ATF7IP: variants seen among roughly 807,000 people sequenced by gnomAD.
The protein encoded by ATF7IP is activating transcription factor 7 interacting protein, also known as activating transcription factor 7-interacting protein 1.
In ATF7IP, 23 loss-of-function variants were observed where a neutral mutation model predicts 106.4. That is an observed-to-expected ratio of 0.22 (90% CI 0.16 to 0.31). ATF7IP has a LOEUF of 0.31. Ranked by LOEUF, ATF7IP falls within the 10% of genes least tolerant of loss-of-function variation. The probability of loss-of-function intolerance (pLI) is 1.00; values close to 1 mark genes in which losing one functional copy is unlikely to be tolerated. For missense variants in ATF7IP, 1,334 were observed against 1,524.3 expected (o/e 0.88, Z 2.08); for synonymous variants, 542 against 539.0 (o/e 1.01, Z -0.08).
chr12:14,469,489 TC>T (rs1317152807), intron 10 of ATF7IP, among the ~76,000 whole-genome samples: 2 of 151,860 alleles, frequency 1.3e-5, no homozygotes, highest in East Asian at 3.8e-4. Flanking sequence ...TTATCTGATA[TC>T]CCCAAATAAG....
chr12:14,479,580 A>T (rs1944368526), intron 12 of ATF7IP, among the ~76,000 whole-genome samples: 2 of 152,172 alleles, frequency 1.3e-5, no homozygotes, highest in Non-Finnish European at 2.9e-5. Flanking sequence ...TGTTTTCCAT[A>T]GTGATTTAGC....
chr12:14,454,644 C>G (rs1052599448), intron 6 of ATF7IP, among the ~76,000 whole-genome samples: 1 of 152,040 alleles, frequency 6.6e-6, no homozygotes, highest in Non-Finnish European at 1.5e-5. Context: ...ATGGCATACC[C>G]TCTCAACTAA....
chr12:14,497,953 C>T lies in ATF7IP; in HGVS notation c.3693C>T (p.Thr1231=), dbSNP rs767133309. The change falls in exon 15 of 15, where the codon ACC becomes ACT. Residue 1231 remains threonine, a synonymous_variant. Coordinates refer to ENST00000261168, the MANE Select transcript of ATF7IP (RefSeq NM_018179.5). ...ALPLPMACTL[T]QFVSGSKYYF... Reference sequence around the variant, plus strand: ...CCTTGCCCATGGCATGTACTCTCACCCAGTTTGTATCTGGTAGCAAATACT... The same window carrying T: ...CCTTGCCCATGGCATGTACTCTCACTCAGTTTGTATCTGGTAGCAAATACT... 1.9e-5 allele frequency: 31 copies of T among 1,614,038 alleles called. No homozygotes were observed. In the African/African-American group the frequency reaches 3.3e-4, roughly 17 times the overall value.
intron 1 of ATF7IP, among the ~76,000 whole-genome samples, chr12:14,371,697 T>C (rs774250580): frequency 3.9e-5 from 6 of 152,286 alleles, no homozygotes; most frequent in South Asian, 4.1e-4. Flanking sequence ...TCAGTAGTTA[T>C]AGAATGTTCA....
chr12:14,389,625 T>G (rs1004799387), intron 1 of ATF7IP, among the ~76,000 whole-genome samples: 5 of 152,240 alleles, frequency 3.3e-5, no homozygotes, highest in Non-Finnish European at 5.9e-5. Context: ...AATTGTTTGT[T>G]TTTTGTTTTT....
rs992915206 is a variant in ATF7IP, at chr12:14,502,552, T to C, written c.*4479T>C. The stretch of plus-strand genomic sequence containing the variant: ...GTTTTTGTCTGTTTTTGTTTTGTTT[T>C]GTTTTGTAAATAAGGTAACTGGGCA... On this transcript the variant is annotated 3_prime_UTR_variant, in exon 15 of 15. Coordinates refer to ENST00000261168, the MANE Select transcript of ATF7IP (RefSeq NM_018179.5). 1.3e-5 allele frequency: 2 copies of C among 152,326 alleles called. No individual in the cohort carries two copies. Among genetic ancestry groups the C allele is most frequent in the East Asian group, 3.9e-4 (2 of 5,190 alleles). 9.4% of individuals were successfully genotyped at this position (152,326 alleles called of 1,614,324 possible). A position where few individuals can be genotyped will look rare whatever the true frequency, so the allele number is the denominator to read the frequency against.
Position 14,502,158 on chromosome 12 carries a change from A to C in ATF7IP, c.*4085A>C, listed in dbSNP as rs960599360. On this transcript the variant is annotated 3_prime_UTR_variant, in exon 15 of 15. Transcript: ENST00000261168. ...GGCCTGTTTTATTCTAATTTCCAGA[A>C]AAGTCAAGTCCCAGTATTTGCAATA... is the stretch of plus-strand genomic sequence containing the variant. 2 of 152,194 alleles carry C rather than the reference A, an allele frequency of 1.3e-5. No homozygotes were observed. The highest frequency in any genetic ancestry group is 2.9e-5 in the Non-Finnish European group (2 of 68,020). The allele number at this position is 152,194 out of a possible 1,614,324, so 9.4% of individuals were successfully genotyped here.
In ATF7IP at chr12:14,500,791, A is replaced by G. The variant is rs1945140398; in HGVS notation, c.*2718A>G. On this transcript the variant is annotated 3_prime_UTR_variant, in exon 15 of 15. Coordinates refer to ENST00000261168, the MANE Select transcript of ATF7IP (RefSeq NM_018179.5). ...TGAAGAAAGCCCAGTAGAATAAAAA[A>G]AAAATTCATTAGCCTAGCCTATATT... 1 of 152,238 alleles carries G rather than the reference A, an allele frequency of 6.6e-6. No homozygotes were observed. Among genetic ancestry groups the G allele is most frequent in the South Asian group, 2.1e-4 (1 of 4,834 alleles). 9.4% of individuals were successfully genotyped at this position (152,238 alleles called of 1,614,324 possible).
At chr12:14,468,716 T>G (rs186759757) in intron 10 of ATF7IP, among the ~76,000 whole-genome samples, 2 of 152,338 alleles carry the variant, frequency 1.3e-5, no homozygotes, top group East Asian at 3.9e-4. Flanking sequence ...TCAGTGTCAA[T>G]TATGTATATG....
intron 10 of ATF7IP, among the ~76,000 whole-genome samples, chr12:14,467,410 A>G (rs1482704083): frequency 1.3e-5 from 2 of 152,222 alleles, no homozygotes; most frequent in Non-Finnish European, 2.9e-5. Flanking sequence ...TTATAGATCA[A>G]ATAAAAGCTA....
chr12:14,381,081 C>T (rs974595728), intron 1 of ATF7IP, among the ~76,000 whole-genome samples: 1 of 152,174 alleles, frequency 6.6e-6, no homozygotes, highest in African/African-American at 2.4e-5. Context: ...TCTCTCTGCT[C>T]CCTTCACTCT....
At chr12:14,404,036 C>A (rs1940410573) in intron 1 of ATF7IP, among the ~76,000 whole-genome samples, 1 of 151,636 alleles carries the variant, frequency 6.6e-6, no homozygotes, top group Non-Finnish European at 1.5e-5. Context: ...TTTTTAAATG[C>A]AGAGTCAGTT....
intron 1 of ATF7IP, among the ~76,000 whole-genome samples, chr12:14,387,913 G>A (rs1366301572): frequency 6.6e-6 from 1 of 152,104 alleles, no homozygotes; most frequent in African/African-American, 2.4e-5. Flanking sequence ...TAGGGTGGTG[G>A]CACTGGCCAA....
At chr12:14,483,810 T>G (rs112770623) in intron 13 of ATF7IP, among the ~76,000 whole-genome samples, 7,304 of 152,172 alleles carry the variant, frequency 0.048, 188 homozygotes, top group Non-Finnish European at 0.059. Flanking sequence ...TTTTGAATGC[T>G]TCAGGACAAA....
At chr12:14,441,690 C>T (rs1456995901) in intron 5 of ATF7IP, among the ~76,000 whole-genome samples, 1 of 152,000 alleles carries the variant, frequency 6.6e-6, no homozygotes, top group Non-Finnish European at 1.5e-5. Flanking sequence ...GGGGTTTCAC[C>T]ATGTTAGCCA....
intron 1 of ATF7IP, among the ~76,000 whole-genome samples, chr12:14,396,887 G>A (rs1371700163): frequency 6.6e-6 from 1 of 152,120 alleles, no homozygotes; most frequent in African/African-American, 2.4e-5. Flanking sequence ...GATTACAGGC[G>A]TGGTGGCTCA....
chr12:14,426,084 C>A (rs75769516), intron 2 of ATF7IP, among the ~76,000 whole-genome samples: 2,096 of 152,186 alleles, frequency 0.014, 61 homozygotes, highest in African/African-American at 0.048. Context: ...ACCCAATTCT[C>A]TTATTTGATA....
At chr12:14,403,010 A>G (rs2136470136) in intron 1 of ATF7IP, among the ~76,000 whole-genome samples, 1 of 152,222 alleles carries the variant, frequency 6.6e-6, no homozygotes, top group South Asian at 2.1e-4. Context: ...TGTGTTTAAG[A>G]GAAATGTCTG....
chr12:14,430,908 T>C (rs1942084472), intron 2 of ATF7IP, among the ~76,000 whole-genome samples: 1 of 152,226 alleles, frequency 6.6e-6, no homozygotes, highest in Non-Finnish European at 1.5e-5. Flanking sequence ...TAAGAGGTTG[T>C]GTCAGACAGA....
Sources: gnomAD v4.1 joint callset for allele counts (sites outside exome capture counted in the v4.1 genomes callset) on GRCh38, gnomAD v4.1.1 for gene constraint, MANE v1.5 for transcripts, NCBI Gene and HGNC (gene_info 2026-07-23, HGNC 2026-07-21) for gene names.